NXPE1: variants seen among roughly 807,000 people sequenced by gnomAD.
The protein encoded by NXPE1 is NXPE family member 1.
NXPE1 carries 31 observed loss-of-function variants against 33.3 expected under a neutral mutation model. That is an observed-to-expected ratio of 0.93 (90% CI 0.70 to 1.26). The LOEUF is 1.26. Ranked by LOEUF, NXPE1 falls within the 50% of genes most tolerant of loss-of-function variation. NXPE1 has a pLI of 0.00. For synonymous variants in NXPE1, 229 were observed against 231.4 expected (o/e 0.99, Z 0.09); for missense variants, 661 against 655.6 (o/e 1.01, Z -0.09).
chr11:114,522,910 C>A (rs763901184), exon 8 of NXPE1: 1 of 1,613,264 alleles, frequency 6.2e-7, no homozygotes, highest in South Asian at 1.1e-5. Context: ...AGTAGATCCA[C>A]TGACGTAGTG....
chr11:114,531,666 A>G (rs1280860021), intron 5 of NXPE1, among the ~76,000 whole-genome samples: 1 of 152,054 alleles, frequency 6.6e-6, no homozygotes, highest in African/African-American at 2.4e-5. Flanking sequence ...ATGTCTTGAC[A>G]AGACTTCTTT....
chr11:114,525,808 T>A (rs1367287437), intron 7 of NXPE1, among the ~76,000 whole-genome samples: 1 of 152,220 alleles, frequency 6.6e-6, no homozygotes, highest in Non-Finnish European at 1.5e-5. Flanking sequence ...CCCTTTCAGG[T>A]ACATGTATAA....
At chr11:114,523,972 A>C (rs1446937997) in intron 7 of NXPE1, among the ~76,000 whole-genome samples, 1 of 152,236 alleles carries the variant, frequency 6.6e-6, no homozygotes, top group African/African-American at 2.4e-5. Context: ...CTCACATAAC[A>C]GGCCTGGAGT....
At chr11:114,545,149 C>CT (rs1948230186) in intron 5 of NXPE1, among the ~76,000 whole-genome samples, 1 of 152,168 alleles carries the variant, frequency 6.6e-6, no homozygotes, top group Non-Finnish European at 1.5e-5. Flanking sequence ...TTGAAAGACA[C>CT]TTTGATAATA....
chr11:114,557,667 A>ATATG (rs1948688401), intron 1 of NXPE1, among the ~76,000 whole-genome samples: 1 of 114,216 alleles, frequency 8.8e-6, no homozygotes, highest in Non-Finnish European at 1.7e-5. Flanking sequence ...ATATATATAT[A>ATATG]TATATAAAAT....
At chr11:114,530,206 G>A (rs141451498) in exon 6 of NXPE1, 12 of 1,611,430 alleles carry the variant, frequency 7.4e-6, no homozygotes, top group African/African-American at 1.3e-5. Flanking sequence ...TTGTCTGTAA[G>A]ATAAGATACC....
chr11:114,525,513 T>A (rs1372677013), intron 7 of NXPE1, among the ~76,000 whole-genome samples: 1 of 152,038 alleles, frequency 6.6e-6, no homozygotes, highest in African/African-American at 2.4e-5. Context: ...AGTCTCTCCC[T>A]CCCATCCCAA....
intron 5 of NXPE1, among the ~76,000 whole-genome samples, chr11:114,537,271 G>A (rs1947867925): frequency 6.6e-6 from 1 of 152,056 alleles, no homozygotes; most frequent in Admixed American, 6.5e-5. Context: ...GGTATTGATG[G>A]GACATATCTC....
rs140560209 is a variant in NXPE1 at position 114,530,458 on chromosome 11, G to A, written c.550C>T (p.His184Tyr). The A allele has an allele frequency of 2.2e-4, 357 of 1,614,110 alleles. 1 individual carries two copies. The highest frequency in any genetic ancestry group is 2.8e-4 in the Non-Finnish European group (325 of 1,180,040). ...AGAGCCGACGCCCCTTCACTGGGGT[G>A]GATGAGCAGCAGAGACAGGGAGACC... The change falls in exon 6 of 9, where the codon CAC becomes TAC. Residue 184 changes from histidine (H) to tyrosine (Y), a missense_variant. Transcript: ENST00000534921.
At chr11:114,539,383 T>A (rs193184014) in intron 5 of NXPE1, among the ~76,000 whole-genome samples, 161 of 152,186 alleles carry the variant, frequency 1.1e-3, no homozygotes, top group African/African-American at 3.8e-3. Context: ...TGTATACATA[T>A]GTAACAAACC....
Position 114,522,002 on chromosome 11 carries a change from T to C in NXPE1, c.1610A>G (p.Asn537Ser), listed in dbSNP as rs560863314. 13 of 1,613,516 alleles carry C rather than the reference T, an allele frequency of 8.1e-6. No individual in the cohort carries two copies. In the South Asian group the frequency reaches 1.2e-4, roughly 15 times the overall value. The change falls in exon 9 of 9, where the codon AAT (asparagine) becomes AGT (serine). Residue 537 changes from asparagine (N) to serine (S), a missense_variant. Physicochemically the swap from Asn to Ser is conservative, Grantham distance 46. Transcript: ENST00000534921. Reference sequence around the variant, plus strand: ...GTAGTTTAAGAACATGTTAATCTGATTTCCAATCACATGATCAGGTGGGTG... The same window carrying C: ...GTAGTTTAAGAACATGTTAATCTGACTTCCAATCACATGATCAGGTGGGTG...
chr11:114,544,685 T>C (rs1948214459), intron 5 of NXPE1, among the ~76,000 whole-genome samples: 1 of 152,006 alleles, frequency 6.6e-6, no homozygotes, highest in Non-Finnish European at 1.5e-5. Context: ...AGAAATAATA[T>C]AAAAAGCACA....
At chr11:114,538,783 A>T (rs991920878) in intron 5 of NXPE1, among the ~76,000 whole-genome samples, 7 of 152,114 alleles carry the variant, frequency 4.6e-5, no homozygotes, top group Non-Finnish European at 8.8e-5. Flanking sequence ...GTCAGGAAAC[A>T]ACAGGTGCTG....
intron 5 of NXPE1, among the ~76,000 whole-genome samples, chr11:114,541,074 T>G (rs1948084191): frequency 6.6e-6 from 1 of 152,002 alleles, no homozygotes; most frequent in African/African-American, 2.4e-5. Flanking sequence ...AGAACTCAAC[T>G]GAGATGTGAT....
At chr11:114,532,151 A>G (rs1273307976) in intron 5 of NXPE1, among the ~76,000 whole-genome samples, 1 of 152,240 alleles carries the variant, frequency 6.6e-6, no homozygotes, top group Non-Finnish European at 1.5e-5. Context: ...ATTGGGCAAT[A>G]AAACCCTTGT....
Position 114,537,028 on chromosome 11 carries a change from G to T in NXPE1, c.100-6120C>A, listed in dbSNP as rs4938115. Among the ~76,000 whole-genome samples, 63 of 151,948 alleles carry T rather than the reference G, an allele frequency of 4.1e-4. 1 individual carries two copies. Among genetic ancestry groups the T allele is most frequent in the South Asian group, 1.7e-3 (8 of 4,808 alleles). On this transcript the variant is annotated intron_variant, in intron 5 of 8. Transcript: ENST00000534921. ...TTGATGAACATTGATGCAAAAATCC[G>T]CAATAAAATACTGGCAAACCGAATC...
At chr11:114,558,447 G>A (rs1591314307) in intron 1 of NXPE1, among the ~76,000 whole-genome samples, 2 of 152,058 alleles carry the variant, frequency 1.3e-5, no homozygotes, top group East Asian at 3.9e-4. Context: ...TATGATGTTG[G>A]ATTTGTGATA....
At chr11:114,530,603 A>G (rs1213697142) in exon 6 of NXPE1, 4 of 1,614,066 alleles carry the variant, frequency 2.5e-6, no homozygotes, top group Non-Finnish European at 3.4e-6. Flanking sequence ...GGAAATCCCC[A>G]CCATATTGCT....
rs770173601 is a variant in NXPE1 at position 114,558,629 on chromosome 11, C to A, written c.-211+1169G>T. Among the ~76,000 whole-genome samples the A allele has an allele frequency of 6.5e-4, 99 of 152,016 alleles. 1 individual carries two copies. The highest frequency in any genetic ancestry group is 6.3e-4 in the Non-Finnish European group (43 of 67,986). ...ATGTTTAAATGTGATGTATTACATT[C>A]GTATATTTTCTAAAGCTAAACAATC... On this transcript the variant is annotated intron_variant, in intron 1 of 8. Coordinates refer to ENST00000534921, the Ensembl canonical transcript of NXPE1.
Sources: allele counts gnomAD v4.1 joint callset (sites outside exome capture counted in the v4.1 genomes callset), GRCh38; gene constraint gnomAD v4.1.1; transcripts MANE v1.5; gene names NCBI Gene and HGNC (gene_info 2026-07-23, HGNC 2026-07-21).